Variants in FANCI observed in about 807,000 individuals in gnomAD.
FANCI encodes the protein Fanconi anemia group I protein.
FANCI carries 156 observed loss-of-function variants against 176.1 expected under a neutral mutation model. That is an observed-to-expected ratio of 0.89 (90% CI 0.78 to 1.01). The LOEUF (loss-of-function observed/expected upper bound fraction) is 1.01. Ranked by LOEUF, FANCI falls within the 50% of genes least tolerant of loss-of-function variation. The pLI is 0.00. For missense variants in FANCI, 1,678 were observed against 1,534.1 expected (o/e 1.09, Z -1.57); for synonymous variants, 613 against 541.7 (o/e 1.13, Z -1.83).
rs573323704 is a variant in FANCI, at chr15:89,294,634, C to CA, written c.2457-272dup. Among the ~76,000 whole-genome samples, 402 of 146,690 alleles carry CA rather than the reference C, an allele frequency of 2.7e-3. 8 individuals are homozygous for CA. Among genetic ancestry groups the CA allele is most frequent in the East Asian group, 0.015 (74 of 5,012 alleles). On this transcript the variant is annotated intron_variant, in intron 23 of 37. Coordinates refer to ENST00000310775, the MANE Select transcript of FANCI (RefSeq NM_001113378.2). ...TGACTGAATTAAAAATACAAAGGGA[C>CA]AAAAAAAAACCTAAAAGACTAAGAC...
Position 89,293,992 on chromosome 15 carries a change from T to C in FANCI, c.2451T>C (p.Leu817=). ...TTGTGTCCAGTCTTCTCACTGCTCT[T>C]TTCAGGTAAGGTTCTGCTAGAGTGC... The part of the protein sequence containing the change: ...MKFVSSLLTA[L]FRDSIQSHQE... The change falls in exon 23 of 38, where the codon CTT becomes CTC. Residue 817 remains leucine, a synonymous_variant. Transcript: ENST00000310775. The C allele has an allele frequency of 1.2e-6, 2 of 1,614,158 alleles. No homozygotes were observed. The highest frequency in any genetic ancestry group is 1.1e-5 in the South Asian group (1 of 91,078).
At chr15:89,307,918 A>G (rs917837426) in intron 34 of FANCI, 1 of 1,379,516 alleles carries the variant, frequency 7.2e-7, no homozygotes, top group African/African-American at 1.5e-5. Context: ...GGAGCAAGGA[A>G]GGAACAAGCA....
At position 89,294,897 on chromosome 15, in the gene FANCI, C is replaced by G; in HGVS notation, c.2457-18C>G. ...AGGGAATCTTCCTTTTTCTTTCTCT[C>G]TCTCTGTCTCTCTCTAGGGATAGTA... On this transcript the variant is annotated intron_variant, in intron 23 of 37. Transcript: ENST00000310775. 4 of 1,545,630 alleles carry G rather than the reference C, an allele frequency of 2.6e-6. No homozygotes were observed. The highest frequency in any genetic ancestry group is 3.5e-6 in the Non-Finnish European group (4 of 1,145,354).
At chr15:89,246,982 A>G (rs1026165588) in intron 1 of FANCI, among the ~76,000 whole-genome samples, 9 of 151,072 alleles carry the variant, frequency 6.0e-5, no homozygotes, top group Non-Finnish European at 1.3e-4. Context: ...TGTTAGCCAA[A>G]ATGGTCTCGA....
rs745889527 is a variant in FANCI, at chr15:89,268,390, A to G, written c.756-9A>G. The stretch of plus-strand genomic sequence containing the variant: ...CTTATAGCTCATAACTTTCTGTTGA[A>G]TCTTTTAGGCTATTGGATGTTGTCA... On this transcript the variant is annotated splice_polypyrimidine_tract_variant and intron_variant, in intron 9 of 37. Transcript: ENST00000310775. 12 of 1,613,984 alleles carry G rather than the reference A, an allele frequency of 7.4e-6. No homozygotes were observed. Among genetic ancestry groups the G allele is most frequent in the Non-Finnish European group, 8.5e-6 (10 of 1,180,010 alleles).
At chr15:89,282,089 G>C (rs2053636152) in intron 16 of FANCI, 2 of 458,330 alleles carry the variant, frequency 4.4e-6, no homozygotes, top group Non-Finnish European at 4.0e-6. Flanking sequence ...GCTTAGAGAA[G>C]ATGAGTGACT....
chr15:89,279,307 G>A (rs2053527348), intron 14 of FANCI, among the ~76,000 whole-genome samples: 1 of 152,112 alleles, frequency 6.6e-6, no homozygotes, highest in Non-Finnish European at 1.5e-5. Context: ...ACAGGCGCAC[G>A]CTACCACACC....
At chr15:89,256,791 AGG>A (rs1463468411) in intron 2 of FANCI, among the ~76,000 whole-genome samples, 1 of 152,206 alleles carries the variant, frequency 6.6e-6, no homozygotes, top group Admixed American at 6.5e-5. Context: ...GTAAGCTCTC[AGG>A]GTGATTTAGA....
In FANCI at chr15:89,305,714, C is replaced by T. The variant is rs752997434; in HGVS notation, c.3349+16C>T. 2 of 1,611,134 alleles carry T rather than the reference C, an allele frequency of 1.2e-6. No individual in the cohort carries two copies. Among genetic ancestry groups the T allele is most frequent in the Non-Finnish European group, 1.7e-6 (2 of 1,177,258 alleles). On this transcript the variant is annotated intron_variant, in intron 31 of 37. Transcript: ENST00000310775. ...ACCTTATCAGGTAAGATAAGTTCAA[C>T]TGGGATTCCAGGAATTGACATGAGC...
At chr15:89,300,966 CAG>C (rs976085379) in intron 26 of FANCI, among the ~76,000 whole-genome samples, 1 of 152,150 alleles carries the variant, frequency 6.6e-6, no homozygotes, top group Non-Finnish European at 1.5e-5. Context: ...TTTCAGGTAA[CAG>C]GGAAGGTATA....
intron 2 of FANCI, among the ~76,000 whole-genome samples, chr15:89,251,049 GA>G (rs1310851484): frequency 7.9e-5 from 12 of 151,756 alleles, no homozygotes; most frequent in South Asian, 2.1e-4. Context: ...CTTTGTGGGG[GA>G]AAAAAACACC....
Position 89,283,202 on chromosome 15 carries a change from A to C in FANCI, c.1650A>C (p.Leu550Phe), listed in dbSNP as rs554943787. The stretch of plus-strand genomic sequence containing the variant: ...TGCTCCTGAAGAACTTTAAAGTTTT[A>C]GGCAGCCTGTCATCCTCTCAGTGCA... ...FLLLLKNFKV[L>F]GSLSSSQCSQ... The change falls in exon 17 of 38, where the codon TTA becomes TTC. Residue 550 changes from leucine to phenylalanine, a missense_variant. Physicochemically the swap from Leu to Phe is conservative, Grantham distance 22 (BLOSUM62 0). Coordinates refer to ENST00000310775, the MANE Select transcript of FANCI (RefSeq NM_001113378.2). 1.2e-6 allele frequency: 2 copies of C among 1,614,194 alleles called. No homozygotes were observed. The highest frequency in any genetic ancestry group is 2.2e-5 in the South Asian group (2 of 91,086).
chr15:89,305,215 C>G lies in FANCI; in HGVS notation c.3159C>G (p.Ile1053Met), dbSNP rs781727805. Reference sequence around the variant, plus strand: ...TGCTGCGTGACTTGTCCCAGGATATCCACGGGCATCTGGGAGATATAGACC... The same window carrying G: ...TGCTGCGTGACTTGTCCCAGGATATGCACGGGCATCTGGGAGATATAGACC... ...VILLRDLSQDIHGHLGDIDQD... is the reference protein window; with the variant it reads ...VILLRDLSQDMHGHLGDIDQD... The change falls in exon 29 of 38, where the codon ATC (isoleucine) becomes ATG (methionine). Residue 1053 changes from isoleucine to methionine, a missense_variant. Ile to Met is a conservative substitution (Grantham distance 10). Coordinates refer to ENST00000310775, the MANE Select transcript of FANCI (RefSeq NM_001113378.2). 2.5e-6 allele frequency: 4 copies of G among 1,614,188 alleles called. No homozygotes were observed. The highest frequency in any genetic ancestry group is 2.5e-6 in the Non-Finnish European group (3 of 1,180,044).
At chr15:89,269,302 C>T (rs1419890004) in intron 10 of FANCI, among the ~76,000 whole-genome samples, 3 of 152,182 alleles carry the variant, frequency 2.0e-5, no homozygotes, top group African/African-American at 7.2e-5. Context: ...ACAATACCAT[C>T]ATCACATCTA....
chr15:89,276,897 A>G lies in FANCI; in HGVS notation c.1293+6A>G. ...TCCTGTTGGAAACTTTTAAGGTGAG[A>G]CACTATTTTGGCAACCACTCCCTAA... is the stretch of plus-strand genomic sequence containing the variant. On this transcript the variant is annotated splice_donor_region_variant and intron_variant, in intron 13 of 37. Transcript: ENST00000310775. 1 of 1,614,144 alleles carries G rather than the reference A, an allele frequency of 6.2e-7. No individual in the cohort carries two copies. The highest frequency in any genetic ancestry group is 8.5e-7 in the Non-Finnish European group (1 of 1,180,004).
intron 2 of FANCI, among the ~76,000 whole-genome samples, chr15:89,253,791 G>T (rs557707095): frequency 2.2e-5 from 3 of 139,300 alleles, no homozygotes; most frequent in South Asian, 2.5e-4. Context: ...ACTTGTGGGG[G>T]GGGGGGGGAA....
chr15:89,263,663 T>C (rs370411679), intron 7 of FANCI, among the ~76,000 whole-genome samples: 1 of 152,056 alleles, frequency 6.6e-6, no homozygotes, highest in East Asian at 1.9e-4. Flanking sequence ...CATAACTTTA[T>C]TTTTTTTATA....
intron 24 of FANCI, 44 bp downstream of exon 24, chr15:89,295,138 GGT>G: frequency 6.5e-7 from 1 of 1,538,784 alleles, no homozygotes; most frequent in Non-Finnish European, 8.8e-7. Context: ...ACTTGGCTGT[GGT>G]GTCTCCAAGA....
At chr15:89,250,180 G>T (rs760200380) in intron 2 of FANCI, among the ~76,000 whole-genome samples, 2 of 152,158 alleles carry the variant, frequency 1.3e-5, no homozygotes, top group African/African-American at 2.4e-5. Flanking sequence ...TTGACCCAGT[G>T]ATCCCATTAC....
Sources: gnomAD v4.1 joint callset for allele counts (sites outside exome capture counted in the v4.1 genomes callset) on GRCh38, gnomAD v4.1.1 for gene constraint, MANE v1.5 for transcripts, NCBI Gene and HGNC (gene_info 2026-07-23, HGNC 2026-07-21) for gene names.